Variants in AIG1 observed in about 807,000 individuals in gnomAD.
The protein encoded by AIG1 is androgen induced 1.
A neutral mutation model predicts 31.4 loss-of-function variants in AIG1; 23 were observed. The ratio of observed to expected loss-of-function variants is 0.73; its 90% CI spans 0.53 to 1.04. AIG1 has a LOEUF of 1.04. Among genes scored for constraint, AIG1 ranks in the 50% least tolerant of loss-of-function variants. The pLI is 0.00. For missense variants in AIG1, 274 were observed against 295.0 expected (o/e 0.93, Z 0.52); for synonymous variants, 100 against 110.5 (o/e 0.90, Z 0.60).
chr6:143,227,199 T>C (rs1793048264), intron 3 of AIG1, among the ~76,000 whole-genome samples: 1 of 152,116 alleles, frequency 6.6e-6, no homozygotes, highest in Admixed American at 6.5e-5. Context: ...AGTCAGAAGG[T>C]TGTCCCAGAA....
At chr6:143,215,405 A>G (rs1791952189) in intron 3 of AIG1, among the ~76,000 whole-genome samples, 1 of 152,142 alleles carries the variant, frequency 6.6e-6, no homozygotes, top group African/African-American at 2.4e-5. Flanking sequence ...TTATCTGGGT[A>G]TGTGGCCACC....
intron 1 of AIG1, among the ~76,000 whole-genome samples, chr6:143,119,270 A>C (rs1782037861): frequency 6.6e-6 from 1 of 151,986 alleles, no homozygotes; most frequent in African/African-American, 2.4e-5. Flanking sequence ...AGTATCAAAC[A>C]CTCCATAAAC....
At chr6:143,294,054 C>G (rs549189943) in intron 4 of AIG1, among the ~76,000 whole-genome samples, 1 of 152,182 alleles carries the variant, frequency 6.6e-6, no homozygotes, top group Admixed American at 6.5e-5. Flanking sequence ...CACCCATCCT[C>G]TCTTCACCTC....
intron 3 of AIG1, among the ~76,000 whole-genome samples, chr6:143,230,213 T>G (rs190096118): frequency 6.6e-6 from 1 of 152,248 alleles, no homozygotes; most frequent in African/African-American, 2.4e-5. Flanking sequence ...ATACATGAAA[T>G]GATTTTAGGG....
In AIG1 at chr6:143,284,165, A is replaced by G; in HGVS notation, c.455A>G (p.Tyr152Cys). The change falls in exon 4 of 6, where the codon TAT becomes TGT. Residue 152 changes from tyrosine to cysteine, a missense_variant. Tyr to Cys is a radical substitution (Grantham distance 194, BLOSUM62 -2). Transcript: ENST00000357847. The surrounding 1 kb of genome is among the most constrained non-coding windows in gnomAD (Gnocchi z 4.4). ...LIEMRTSHHQ[Y>C]PSRSSGLTAI... is the part of the protein sequence containing the mutation. ...GAGATGAGGACATCGCACCATCAGTATCCCAGCAGGAGCAGCGGACTTACC... is the reference window on the plus strand; with the variant it reads ...GAGATGAGGACATCGCACCATCAGTGTCCCAGCAGGAGCAGCGGACTTACC... The G allele has an allele frequency of 1.2e-6, 2 of 1,614,142 alleles. No individual in the cohort carries two copies. The highest frequency in any genetic ancestry group is 1.7e-6 in the Non-Finnish European group (2 of 1,179,994).
At chr6:143,226,248 T>A (rs78221769) in intron 3 of AIG1, among the ~76,000 whole-genome samples, 2,937 of 118,672 alleles carry the variant, frequency 0.025, 53 homozygotes, top group African/African-American at 0.049. Flanking sequence ...ATATATATAT[T>A]TTTTTTTTTT....
intron 3 of AIG1, chr6:143,190,648 T>C: frequency 1.0e-6 from 1 of 977,994 alleles, no homozygotes; most frequent in Non-Finnish European, 1.2e-6. Context: ...GGGCCTTCTT[T>C]CCAAAGCCCC....
chr6:143,249,883 A>G (rs1398067258), intron 3 of AIG1, among the ~76,000 whole-genome samples: 1 of 152,098 alleles, frequency 6.6e-6, no homozygotes, highest in Non-Finnish European at 1.5e-5. Flanking sequence ...CAAGGAGGTC[A>G]CCCTAGGGGC....
rs1793716798 is a variant in AIG1 at position 143,235,130 on chromosome 6, A to G, written c.400-48980A>G. On this transcript the variant is annotated intron_variant, in intron 3 of 5. Coordinates refer to ENST00000357847, the MANE Select transcript of AIG1 (RefSeq NM_016108.4). ...GATTTAAAGATGAACAACAGATGAC[A>G]AGCTGAAATTCTAGTGGCAGAGTGG... Among the ~76,000 whole-genome samples, 2 of 152,188 alleles carry G rather than the reference A, an allele frequency of 1.3e-5. 1 individual carries two copies. The highest frequency in any genetic ancestry group is 4.1e-4 in the South Asian group (2 of 4,830).
intron 3 of AIG1, among the ~76,000 whole-genome samples, chr6:143,222,189 G>A (rs913812765): frequency 1.2e-4 from 19 of 152,096 alleles, no homozygotes; most frequent in Admixed American, 9.2e-4. Context: ...CACGTAGTAC[G>A]TTAAAGAGAC....
intron 1 of AIG1, among the ~76,000 whole-genome samples, chr6:143,122,271 G>A (rs1456082447): frequency 6.6e-6 from 1 of 152,136 alleles, no homozygotes; most frequent in African/African-American, 2.4e-5. Flanking sequence ...CAAAAGTGAT[G>A]AGACTAGCCT....
intron 1 of AIG1, among the ~76,000 whole-genome samples, chr6:143,093,246 G>T (rs115699566): frequency 0.094 from 14,359 of 152,104 alleles, 2,112 homozygotes; most frequent in African/African-American, 0.32. Flanking sequence ...TGTATAACTT[G>T]CTGCAACTTC....
intron 3 of AIG1, among the ~76,000 whole-genome samples, chr6:143,266,328 T>G (rs1796149643): frequency 1.7e-5 from 2 of 116,070 alleles, no homozygotes; most frequent in Non-Finnish European, 3.2e-5. Context: ...GCCTGGACAA[T>G]AGAGTAAGAG....
intron 4 of AIG1, among the ~76,000 whole-genome samples, chr6:143,307,593 G>T (rs1799426366): frequency 6.6e-6 from 1 of 152,214 alleles, no homozygotes; most frequent in African/African-American, 2.4e-5. Context: ...GCAGTGTGAG[G>T]TGTCAGTCTG....
intron 4 of AIG1, among the ~76,000 whole-genome samples, chr6:143,321,875 T>A (rs1776245550): frequency 6.6e-6 from 1 of 152,218 alleles, no homozygotes. Flanking sequence ...AATGTCTGTG[T>A]TGCTGATAGA....
chr6:143,119,592 CTT>C (rs958106398), intron 1 of AIG1, among the ~76,000 whole-genome samples: 2 of 152,200 alleles, frequency 1.3e-5, no homozygotes, highest in Non-Finnish European at 2.9e-5. Flanking sequence ...AAAGATAACA[CTT>C]TTGTGTTTGC....
Position 143,325,504 on chromosome 6 carries a change from T to C in AIG1, c.516-7778T>C, listed in dbSNP as rs1329118139. 2.0e-5 allele frequency among the ~76,000 whole-genome samples: 3 copies of C among 152,230 alleles called. No homozygotes were observed. Among genetic ancestry groups the C allele is most frequent in the Non-Finnish European group, 4.4e-5 (3 of 68,034 alleles). ...TACCTCAAACTCAACATGTCCAGACTGAACTCATCATCCCTTCAAACAGGC... is the reference window on the plus strand; with the variant it reads ...TACCTCAAACTCAACATGTCCAGACCGAACTCATCATCCCTTCAAACAGGC... On this transcript the variant is annotated intron_variant, in intron 4 of 5. Transcript: ENST00000357847. The surrounding 1 kb of genome is among the most constrained non-coding windows in gnomAD (Gnocchi z 4.3).
intron 1 of AIG1, among the ~76,000 whole-genome samples, chr6:143,135,348 T>G (rs1232695875): frequency 6.6e-6 from 1 of 151,920 alleles, no homozygotes; most frequent in African/African-American, 2.4e-5. Flanking sequence ...ATATGAAAAA[T>G]AGAAAGATAT....
At chr6:143,164,251 T>A (rs1351621597) in intron 2 of AIG1, among the ~76,000 whole-genome samples, 2 of 152,208 alleles carry the variant, frequency 1.3e-5, no homozygotes, top group Non-Finnish European at 2.9e-5. Flanking sequence ...CTAGGCCACA[T>A]TTTTTGACAT....
Sources: allele counts gnomAD v4.1 joint callset (sites outside exome capture counted in the v4.1 genomes callset), GRCh38; gene constraint gnomAD v4.1.1; non-coding constraint Gnocchi (gnomAD v3.1); transcripts MANE v1.5; gene names NCBI Gene and HGNC (gene_info 2026-07-23, HGNC 2026-07-21).